The following MACF1 variants were observed in gnomAD, a reference collection of about 807,000 sequenced individuals.
The protein encoded by MACF1 is microtubule actin crosslinking factor 1.
MACF1 carries 193 observed loss-of-function variants against 854.8 expected under a neutral mutation model. The observed-to-expected ratio is 0.23, with a 90% CI of 0.20 to 0.25. MACF1 has a LOEUF of 0.25. Ranked by LOEUF, MACF1 falls within the 10% of genes least tolerant of loss-of-function variation. The probability of loss-of-function intolerance (pLI) is 1.00; values close to 1 mark genes in which losing one functional copy is unlikely to be tolerated. For missense variants in MACF1, 7,722 were observed against 8,929.1 expected (o/e 0.86, Z 5.45); for synonymous variants, 3,185 against 3,226.7 (o/e 0.99, Z 0.44).
intron 1 of MACF1, among the ~76,000 whole-genome samples, chr1:39,210,012 C>T (rs1210083895): frequency 6.6e-6 from 1 of 151,854 alleles, no homozygotes; most frequent in East Asian, 1.9e-4. Context: ...ATCACTTGAA[C>T]CCAGGAGGCA....
chr1:39,414,572 T>G, intron 58 of MACF1: 1 of 1,542,840 alleles, frequency 6.5e-7, no homozygotes, highest in Non-Finnish European at 8.8e-7. Context: ...CAGATAGTTC[T>G]TTTGTTCTTT....
intron 58 of MACF1, 82 bp from the exon 59 acceptor site, chr1:39,422,292 C>A: frequency 9.3e-7 from 1 of 1,070,546 alleles, no homozygotes; most frequent in Non-Finnish European, 1.3e-6. Context: ...GTCATAAATG[C>A]CCCAAGAATA....
intron 6 of MACF1, 142 bp downstream of exon 6, chr1:39,258,170 T>C (rs1259163507): frequency 2.7e-6 from 2 of 729,968 alleles, no homozygotes; most frequent in African/African-American, 3.6e-5. Context: ...GAAAGGAAAA[T>C]TAAGATTGAT....
In MACF1 at chr1:39,429,875, G is replaced by A. The variant is rs1265897628; in HGVS notation, c.16937G>A (p.Arg5646His). ...GAAAAACTAGATGGTATAAAGACTC[G>A]TTACGCAGACATCACAGTTACTAGC... ...IQEKLDGIKT[R>H]YADITVTSSK... Residue 5646 changes from arginine to histidine, a missense_variant, in exon 65 of 101, where the codon CGT becomes CAT. Arg to His is a conservative substitution (Grantham distance 29). Coordinates refer to ENST00000564288, the MANE Select transcript of MACF1 (RefSeq NM_001394062.1). 6.8e-6 allele frequency: 11 copies of A among 1,613,958 alleles called. No homozygotes were observed. In the East Asian group the frequency reaches 8.9e-5, roughly 13 times the overall value.
intron 6 of MACF1, among the ~76,000 whole-genome samples, chr1:39,270,452 T>C (rs2148358295): frequency 6.6e-6 from 1 of 152,276 alleles, no homozygotes; most frequent in African/African-American, 2.4e-5. Context: ...TATTGAGGCA[T>C]GGATGGTGCT....
chr1:39,125,383 A>G (rs568655780), intron 2 of MACF1, among the ~76,000 whole-genome samples: 29 of 152,328 alleles, frequency 1.9e-4, no homozygotes, highest in African/African-American at 7.0e-4. Flanking sequence ...CCTCGTTAGT[A>G]GTGGGGAGAA....
chr1:39,294,357 T>C (rs1240773546), intron 18 of MACF1, among the ~76,000 whole-genome samples: 1 of 152,228 alleles, frequency 6.6e-6, no homozygotes, highest in Non-Finnish European at 1.5e-5. Context: ...TTGTAAACTA[T>C]GCAAATAGGG....
At position 39,287,431 on chromosome 1, in the gene MACF1, A is replaced by G. The variant is rs778125247; in HGVS notation, c.1654A>G (p.Thr552Ala). The G allele has an allele frequency of 3.6e-5, 58 of 1,613,864 alleles. No individual in the cohort carries two copies. The highest frequency in any genetic ancestry group is 2.0e-4 in the East Asian group (9 of 44,874). ...HLKAEPLTKA[T>A]HSSSTSWFRK... Reference sequence around the variant, plus strand: ...GAAAGCAGAACCCTTAACCAAGGCAACCCATTCTTCTTCTACCTCCTGGTT... The same window carrying G: ...GAAAGCAGAACCCTTAACCAAGGCAGCCCATTCTTCTTCTACCTCCTGGTT... Residue 552 changes from threonine (T) to alanine (A), a missense_variant, in exon 15 of 101, where the codon ACC becomes GCC. Around this residue, in one of 15 missense-constraint regions of MACF1, gnomAD observed 1,137 missense variants for 1,263.0 expected, o/e 0.90. Transcript: ENST00000564288.
intron 2 of MACF1, among the ~76,000 whole-genome samples, chr1:39,108,405 T>C (rs977259863): frequency 6.6e-6 from 1 of 152,012 alleles, no homozygotes; most frequent in Non-Finnish European, 1.5e-5. Flanking sequence ...GTTGTCATAC[T>C]GTGATAAGTG....
intron 15 of MACF1, among the ~76,000 whole-genome samples, chr1:39,288,031 A>C (rs1645679926): frequency 6.6e-6 from 1 of 152,132 alleles, no homozygotes; most frequent in Non-Finnish European, 1.5e-5. Context: ...TAATTAAAAA[A>C]ATTTTTTGTG....
At chr1:39,297,766 G>C in intron 21 of MACF1, 21 bp downstream of exon 21, 1 of 1,613,086 alleles carries the variant, frequency 6.2e-7, no homozygotes, top group South Asian at 1.1e-5. Context: ...CCTCAGTGGG[G>C]ATGATTACTT....
intron 2 of MACF1, among the ~76,000 whole-genome samples, chr1:39,133,978 G>T (rs1012327634): frequency 6.7e-6 from 1 of 150,320 alleles, no homozygotes; most frequent in Non-Finnish European, 1.5e-5. Context: ...AGGGATTTGC[G>T]TGGCCAGGTA....
intron 95 of MACF1, among the ~76,000 whole-genome samples, chr1:39,467,344 G>A (rs1644691603): frequency 6.6e-6 from 1 of 152,118 alleles, no homozygotes; most frequent in Non-Finnish European, 1.5e-5. Context: ...CAGCCTAGGC[G>A]ACAGAACGAG....
chr1:39,453,896 T>A, intron 88 of MACF1, 46 bp downstream of exon 88: 1 of 1,608,778 alleles, frequency 6.2e-7, no homozygotes, highest in Non-Finnish European at 8.5e-7. Flanking sequence ...CAGTAAACTA[T>A]CACTATAGTA....
At chr1:39,327,496 C>T in intron 36 of MACF1, 143 bp downstream of exon 36, 3 of 858,194 alleles carry the variant, frequency 3.5e-6, no homozygotes, top group African/African-American at 1.7e-5. Context: ...AGCCATTTGT[C>T]TTGTGTTTCT....
chr1:39,467,137 C>T (rs1260903754), intron 95 of MACF1, among the ~76,000 whole-genome samples: 3 of 152,100 alleles, frequency 2.0e-5, no homozygotes, highest in Non-Finnish European at 2.9e-5. Context: ...GAGGCCGAGA[C>T]GGGCAGATCA....
intron 31 of MACF1, among the ~76,000 whole-genome samples, chr1:39,322,308 A>G (rs1442906767): frequency 1.3e-5 from 2 of 152,288 alleles, no homozygotes; most frequent in South Asian, 2.1e-4. Context: ...AGAAAATCAA[A>G]AGAATAATAT....
intron 2 of MACF1, among the ~76,000 whole-genome samples, chr1:39,198,508 G>A (rs972475198): frequency 2.6e-5 from 4 of 151,994 alleles, no homozygotes; most frequent in East Asian, 1.9e-4. Flanking sequence ...AAAATTAGCC[G>A]GGTGTGGTGG....
intron 84 of MACF1, among the ~76,000 whole-genome samples, chr1:39,449,282 C>T (rs571695185): frequency 1.1e-4 from 16 of 152,312 alleles, no homozygotes; most frequent in African/African-American, 3.6e-4. Flanking sequence ...CTCAGCTACC[C>T]TGTTGGCAGA....
Sources: allele counts gnomAD v4.1 joint callset (sites outside exome capture counted in the v4.1 genomes callset), GRCh38; gene constraint gnomAD v4.1.1; regional missense constraint gnomAD v4.1.1; transcripts MANE v1.5; gene names NCBI Gene and HGNC (gene_info 2026-07-23, HGNC 2026-07-21).